Variants in TEKT5 observed in about 807,000 individuals in gnomAD.
TEKT5 encodes tektin-5.
In TEKT5, 52 loss-of-function variants were observed where a neutral mutation model predicts 48.7. The observed-to-expected ratio is 1.07, with a 90% confidence interval of 0.86 to 1.35. The LOEUF (loss-of-function observed/expected upper bound fraction) is 1.35. TEKT5 is among the 40% of genes most tolerant of loss of function. TEKT5 has a pLI of 0.00. For missense variants in TEKT5, 831 were observed against 641.6 expected, an observed-to-expected ratio of 1.30 and a Z score of -3.19; for synonymous variants, 318 against 267.6, an observed-to-expected ratio of 1.19 and a Z score of -1.84.
At chr16:10,673,465 G>A (rs1292250177) in intron 5 of TEKT5, among the ~76,000 whole-genome samples, 3 of 152,064 alleles carry the variant, frequency 2.0e-5, no homozygotes, top group African/African-American at 4.8e-5. Context: ...AGGATTAGTA[G>A]GAAAATAGTT....
At chr16:10,689,064 C>T (rs1338420707) in intron 3 of TEKT5, among the ~76,000 whole-genome samples, 189 bp downstream of exon 3, 1 of 152,016 alleles carries the variant, frequency 6.6e-6, no homozygotes, top group Non-Finnish European at 1.5e-5. Flanking sequence ...ACCAGCGAAA[C>T]TGGCAGATAC....
rs1378110040 is a variant in TEKT5 at position 10,649,791 on chromosome 16, G to A, written c.1087-13873C>T. Among the ~76,000 whole-genome samples the A allele has an allele frequency of 2.0e-5, 3 of 152,134 alleles. No individual in the cohort carries two copies. The East Asian group carries it at 5.8e-4, about 29-fold the overall frequency. ...TAAATAGAAATACAAAATCAGTAATGGTCCAGGTGGCACACGAATATGGTA... is the reference window on the plus strand; with the variant it reads ...TAAATAGAAATACAAAATCAGTAATAGTCCAGGTGGCACACGAATATGGTA... On this transcript the variant is annotated intron_variant, in intron 5 of 6. Transcript: ENST00000283025.
At position 10,689,316 on chromosome 16, in the gene TEKT5, T is replaced by A; in HGVS notation, c.656A>T (p.Asp219Val). 3 of 1,613,026 alleles carry A rather than the reference T, an allele frequency of 1.9e-6. No homozygotes were observed. Among genetic ancestry groups the A allele is most frequent in the Middle Eastern group, 1.7e-4 (1 of 6,056 alleles). The change falls in exon 3 of 7, where the codon GAT (aspartate) becomes GTT (valine). Residue 219 changes from aspartate to valine, a missense_variant. Physicochemically the swap from Asp to Val is radical, Grantham distance 152. Transcript: ENST00000283025. ...NVEKNLIREV[D>V]LLKCCQEQMR... ...CTGTTCTTGGCAACATTTTAGCAAA[T>A]CCACTTCCTGAAATGAAAAATGTCA...
rs376442521 is a variant in TEKT5 at position 10,636,041 on chromosome 16, C to T, written c.1087-123G>A. ...CCAGGCACTTAAGATACTCCTTCCC[C>T]GGCCTTGAGCACCTTTAGGGCAGGA... On this transcript the variant is annotated intron_variant, in intron 5 of 6. Coordinates refer to ENST00000283025, the MANE Select transcript of TEKT5 (RefSeq NM_144674.2). The T allele has an allele frequency of 2.0e-4, 283 of 1,423,702 alleles. 1 individual carries two copies. In the East Asian group the frequency reaches 2.0e-3, roughly 10 times the overall value. The allele number at this position is 1,423,702 out of a possible 1,614,324, so 88.2% of individuals were successfully genotyped here. A position where few individuals can be genotyped will look rare whatever the true frequency, so the allele number is the denominator to read the frequency against.
intron 5 of TEKT5, among the ~76,000 whole-genome samples, chr16:10,674,426 G>C (rs965134452): frequency 2.6e-5 from 4 of 151,876 alleles, no homozygotes; most frequent in Non-Finnish European, 4.4e-5. Context: ...TTGAGCCCAG[G>C]AGTTTGAGAC....
intron 5 of TEKT5, among the ~76,000 whole-genome samples, chr16:10,649,763 G>A (rs2541550): frequency 0.11 from 16,977 of 152,160 alleles, 1,154 homozygotes; most frequent in African/African-American, 0.19. Flanking sequence ...AGGTGACTCA[G>A]TTTAAATAGA....
intron 5 of TEKT5, among the ~76,000 whole-genome samples, chr16:10,654,823 A>G (rs1016771686): frequency 6.6e-6 from 1 of 151,310 alleles, no homozygotes; most frequent in South Asian, 2.1e-4. Context: ...TCTCAGATAC[A>G]TTTCTATATA....
In TEKT5 at chr16:10,648,599, T is replaced by C. The variant is rs182879745; in HGVS notation, c.1087-12681A>G. On this transcript the variant is annotated intron_variant, in intron 5 of 6. Coordinates refer to ENST00000283025, the MANE Select transcript of TEKT5 (RefSeq NM_144674.2). ...CGCCTATCTCGGCCTCCCAAAGTGC[T>C]GGGATTACAGGCATGAGCCACCACG... Among the ~76,000 whole-genome samples, 183 of 152,360 alleles carry C rather than the reference T, an allele frequency of 1.2e-3. 1 individual carries two copies. Among genetic ancestry groups the C allele is most frequent in the South Asian group, 2.5e-3 (12 of 4,826 alleles).
intron 3 of TEKT5, among the ~76,000 whole-genome samples, chr16:10,685,003 G>T (rs762043822): frequency 1.5e-4 from 23 of 152,226 alleles, no homozygotes; most frequent in Non-Finnish European, 2.6e-4. Flanking sequence ...ACCAGACTCT[G>T]CCTGGCTAAT....
chr16:10,687,065 T>C (rs1468372778), intron 3 of TEKT5, among the ~76,000 whole-genome samples: 2 of 151,974 alleles, frequency 1.3e-5, no homozygotes, highest in African/African-American at 4.8e-5. Context: ...AGTAGAATGG[T>C]TGTTACCAGA....
chr16:10,661,504 T>C (rs1330986354), intron 5 of TEKT5, among the ~76,000 whole-genome samples: 1 of 152,206 alleles, frequency 6.6e-6, no homozygotes, highest in Non-Finnish European at 1.5e-5. Flanking sequence ...ATTATGTTTG[T>C]AGTTTCATGC....
At chr16:10,661,590 C>T (rs931412448) in intron 5 of TEKT5, among the ~76,000 whole-genome samples, 1 of 152,178 alleles carries the variant, frequency 6.6e-6, no homozygotes, top group East Asian at 1.9e-4. Flanking sequence ...AGGACTCACA[C>T]CCAGGCAGTG....
chr16:10,635,159 A>C, intron 6 of TEKT5, among the ~76,000 whole-genome samples: 1 of 147,898 alleles, frequency 6.8e-6, no homozygotes, highest in African/African-American at 2.5e-5. Context: ...CCTGGCCATC[A>C]TCCTATTACA....
At chr16:10,653,533 T>A (rs1002241597) in intron 5 of TEKT5, among the ~76,000 whole-genome samples, 3 of 152,232 alleles carry the variant, frequency 2.0e-5, no homozygotes, top group Non-Finnish European at 4.4e-5. Context: ...CCTCATGCAA[T>A]ATGCATTCAA....
chr16:10,678,624 C>G (rs1043754250), intron 4 of TEKT5, among the ~76,000 whole-genome samples: 1 of 152,132 alleles, frequency 6.6e-6, no homozygotes, highest in African/African-American at 2.4e-5. Context: ...CAAGGCCGCA[C>G]AACAACGTCC....
chr16:10,676,197 G>C lies in TEKT5; in HGVS notation c.864-16C>G, dbSNP rs769696344. The C allele has an allele frequency of 2.6e-5, 42 of 1,613,424 alleles. No homozygotes were observed. Among genetic ancestry groups the C allele is most frequent in the East Asian group, 4.5e-5 (2 of 44,876 alleles). On this transcript the variant is annotated splice_polypyrimidine_tract_variant and intron_variant, in intron 4 of 6. Coordinates refer to ENST00000283025, the MANE Select transcript of TEKT5 (RefSeq NM_144674.2). Reference sequence around the variant, plus strand: ...TACGGAGATCCTGCAAAGGCACAAGGGTGAGTTGCAGCAGTCCTGGAAGAC... The same window carrying C: ...TACGGAGATCCTGCAAAGGCACAAGCGTGAGTTGCAGCAGTCCTGGAAGAC...
At chr16:10,676,235 G>T in intron 4 of TEKT5, 54 bp from the exon 5 acceptor site, 1 of 1,556,776 alleles carries the variant, frequency 6.4e-7, no homozygotes, top group South Asian at 1.1e-5. Flanking sequence ...CAGAATCTGT[G>T]GTTTCTCCGC....
At chr16:10,641,589 G>A (rs1398099424) in intron 5 of TEKT5, among the ~76,000 whole-genome samples, 2 of 152,226 alleles carry the variant, frequency 1.3e-5, no homozygotes, top group Non-Finnish European at 2.9e-5. Context: ...GGAGGATGAG[G>A]TGGGAGGATC....
chr16:10,631,952 A>G (rs1214200986), intron 6 of TEKT5, among the ~76,000 whole-genome samples: 3 of 152,206 alleles, frequency 2.0e-5, no homozygotes, highest in Non-Finnish European at 4.4e-5. Flanking sequence ...TGGGAAATGA[A>G]TGCGGCAAGG....
Sources: gnomAD v4.1 joint callset for allele counts (sites outside exome capture counted in the v4.1 genomes callset) on GRCh38, gnomAD v4.1.1 for gene constraint, MANE v1.5 for transcripts, NCBI Gene and HGNC (gene_info 2026-07-23, HGNC 2026-07-21) for gene names.